Variants in ST7 observed in about 807,000 individuals in gnomAD.
ST7 encodes suppressor of tumorigenicity 7 protein.
ST7 carries 28 observed loss-of-function variants against 78.7 expected under a neutral mutation model. The observed-to-expected ratio is 0.36, with a 90% confidence interval of 0.26 to 0.49. The LOEUF is 0.49. Ranked by LOEUF, ST7 falls within the 20% of genes least tolerant of loss-of-function variation. ST7 has a pLI of 0.99. For synonymous variants in ST7, 247 were observed against 249.6 expected (o/e 0.99, Z 0.10); for missense variants, 418 against 696.0 (o/e 0.60, Z 4.49).
chr7:117,136,791 A>C (rs1024766959), intron 8 of ST7: 2 of 152,752 alleles, frequency 1.3e-5, no homozygotes, highest in African/African-American at 2.4e-5. Flanking sequence ...ATGCCTTTTT[A>C]AACTCCCCAA....
At chr7:117,185,847 C>G (rs1355108602) in intron 10 of ST7, among the ~76,000 whole-genome samples, 1 of 152,144 alleles carries the variant, frequency 6.6e-6, no homozygotes, top group Non-Finnish European at 1.5e-5. Flanking sequence ...CGCTTGAACC[C>G]AAGAGGCGGA....
chr7:117,109,203 C>T (rs1802217328), intron 2 of ST7, among the ~76,000 whole-genome samples: 1 of 152,082 alleles, frequency 6.6e-6, no homozygotes, highest in Non-Finnish European at 1.5e-5. Flanking sequence ...TCAACTTTTC[C>T]TCGTTCAGTA....
intron 10 of ST7, among the ~76,000 whole-genome samples, chr7:117,175,393 A>G (rs1010213619): frequency 1.3e-5 from 2 of 152,202 alleles, no homozygotes; most frequent in East Asian, 3.9e-4. Context: ...AAGAATTCAT[A>G]TGTTTCTTAT....
intron 13 of ST7, among the ~76,000 whole-genome samples, chr7:117,215,600 C>T (rs551398065): frequency 2.4e-4 from 37 of 152,310 alleles, no homozygotes; most frequent in South Asian, 1.2e-3. Flanking sequence ...CACAGATTAA[C>T]GACCCACGCA....
At chr7:117,115,653 C>A (rs957129518) in intron 2 of ST7, among the ~76,000 whole-genome samples, 2 of 152,230 alleles carry the variant, frequency 1.3e-5, no homozygotes, top group South Asian at 4.1e-4. Flanking sequence ...CGCGCCCAGC[C>A]GGTAGGTTAC....
intron 9 of ST7, chr7:117,146,268 G>A (rs1394229833): frequency 6.6e-6 from 1 of 152,240 alleles, no homozygotes. Flanking sequence ...GACTGAAGGA[G>A]ATGCCAAAGT....
intron 12 of ST7, among the ~76,000 whole-genome samples, chr7:117,196,283 C>T (rs1810293969): frequency 6.6e-6 from 1 of 152,170 alleles, no homozygotes; most frequent in Admixed American, 6.5e-5. Flanking sequence ...AATGAATACC[C>T]AGAAGGGGGA....
intron 1 of ST7, among the ~76,000 whole-genome samples, chr7:116,964,077 CAAACAG>C (rs530667919): frequency 3.3e-4 from 51 of 152,248 alleles, no homozygotes; most frequent in African/African-American, 1.2e-3. Flanking sequence ...AAAAACAGCA[CAAACAG>C]AAACACTCTG....
At chr7:117,099,623 T>C (rs1801413930) in intron 1 of ST7, 139 bp from the exon 2 acceptor site, 2 of 607,712 alleles carry the variant, frequency 3.3e-6, no homozygotes, top group Non-Finnish European at 5.6e-6. Flanking sequence ...ATCATTTTAA[T>C]GGGATCTTAC....
chr7:116,998,251 C>G (rs112424948), intron 1 of ST7, among the ~76,000 whole-genome samples: 2 of 152,214 alleles, frequency 1.3e-5, no homozygotes, highest in African/African-American at 4.8e-5. Context: ...TGCTAAGCCC[C>G]TCACTGCCCT....
At chr7:117,161,591 CTTTT>C (rs60505994) in intron 9 of ST7, among the ~76,000 whole-genome samples, 17 of 113,592 alleles carry the variant, frequency 1.5e-4, no homozygotes, top group Non-Finnish European at 2.9e-4. Context: ...TTCTTTCTTT[CTTTT>C]TTTTTTTTTT....
chr7:117,097,489 A>AT (rs1467449638), intron 1 of ST7, among the ~76,000 whole-genome samples: 1 of 151,712 alleles, frequency 6.6e-6, no homozygotes, highest in Non-Finnish European at 1.5e-5. Flanking sequence ...TGCCCGGCTA[A>AT]TTTTTTGTAT....
chr7:116,954,378 G>A (rs1792328529), intron 1 of ST7: 1 of 152,572 alleles, frequency 6.6e-6, no homozygotes, highest in Non-Finnish European at 1.5e-5. Context: ...GAAGGGACCG[G>A]AGGGAAGAGG....
intron 1 of ST7, among the ~76,000 whole-genome samples, chr7:117,059,398 GA>G (rs1206017645): frequency 7.9e-5 from 12 of 152,106 alleles, no homozygotes; most frequent in African/African-American, 2.7e-4. Flanking sequence ...TATTTAAAAA[GA>G]AAATAGTGGT....
intron 1 of ST7, among the ~76,000 whole-genome samples, chr7:117,015,882 C>G (rs1390242301): frequency 6.6e-6 from 1 of 152,068 alleles, no homozygotes; most frequent in Non-Finnish European, 1.5e-5. Context: ...AGAGAGAGGC[C>G]ACTTTTCATA....
intron 2 of ST7, chr7:117,118,561 T>A (rs1163020567): frequency 6.6e-6 from 1 of 152,192 alleles, no homozygotes; most frequent in African/African-American, 2.4e-5. Flanking sequence ...TAAAGGTAAT[T>A]CTATGTTAAT....
chr7:117,023,174 G>T (rs1796013329), intron 1 of ST7, among the ~76,000 whole-genome samples: 1 of 152,082 alleles, frequency 6.6e-6, no homozygotes, highest in Non-Finnish European at 1.5e-5. Flanking sequence ...GAAATTTGCA[G>T]TAGCCTGGAT....
rs1187640599 is a variant in ST7, at chr7:117,190,571, G to C, written c.1152-263G>C. Among the ~76,000 whole-genome samples, 1 of 152,212 alleles carries C rather than the reference G, an allele frequency of 6.6e-6. No individual in the cohort carries two copies. The highest frequency in any genetic ancestry group is 6.5e-5 in the Admixed American group (1 of 15,278). On this transcript the variant is annotated intron_variant, in intron 11 of 15. Transcript: ENST00000323984. This position sits in a 1 kb window ranked among gnomAD's most constrained non-coding sequence, Gnocchi z 5.2. ...TGACCTGAGCAGGTACCTCGTAGAA[G>C]ATTTAGATTAGCCATTTAGACAGAG...
intron 1 of ST7, among the ~76,000 whole-genome samples, chr7:117,078,285 G>C (rs1477183396): frequency 6.6e-6 from 1 of 152,188 alleles, no homozygotes; most frequent in Non-Finnish European, 1.5e-5. Context: ...TTGAGAAGGT[G>C]CAGCTGGGCA....
Sources: allele counts gnomAD v4.1 joint callset (sites outside exome capture counted in the v4.1 genomes callset), GRCh38; gene constraint gnomAD v4.1.1; non-coding constraint Gnocchi (gnomAD v3.1); transcripts MANE v1.5; gene names NCBI Gene and HGNC (gene_info 2026-07-23, HGNC 2026-07-21).